FANCC: variants seen among roughly 807,000 people sequenced by gnomAD.
The protein encoded by FANCC is FA complementation group C, also known as Fanconi anemia group C protein.
FANCC carries 55 observed loss-of-function variants against 71.3 expected under a neutral mutation model. The ratio of observed to expected loss-of-function variants is 0.77; its 90% confidence interval spans 0.62 to 0.97. The LOEUF is 0.97. Ranked by LOEUF, FANCC falls within the 50% of genes least tolerant of loss-of-function variation. The pLI, the probability that FANCC is intolerant of heterozygous loss-of-function variation, is 0.00. For missense variants in FANCC, 678 were observed against 670.9 expected (o/e 1.01, Z -0.12); for synonymous variants, 275 against 244.9 (o/e 1.12, Z -1.15).
At chr9:95,172,246 C>A in intron 4 of FANCC, 99 bp from the exon 5 acceptor site, 2 of 693,796 alleles carry the variant, frequency 2.9e-6, no homozygotes, top group Non-Finnish European at 2.5e-6. Flanking sequence ...GGGGTGGTCT[C>A]TATGAAACAA....
At chr9:95,258,090 C>T (rs543034498) in intron 1 of FANCC, among the ~76,000 whole-genome samples, 13 of 152,292 alleles carry the variant, frequency 8.5e-5, no homozygotes, top group African/African-American at 3.1e-4. Context: ...GACAGATTCA[C>T]AGCCGAATTC....
At chr9:95,114,827 G>A (rs1350597705) in intron 11 of FANCC, 117 bp from the exon 12 acceptor site, 29 of 834,834 alleles carry the variant, frequency 3.5e-5, no homozygotes, top group Non-Finnish European at 5.4e-5. Context: ...TCTGGTTCAC[G>A]GAACCCAATA....
At chr9:95,180,622 A>T (rs1826289003) in intron 4 of FANCC, among the ~76,000 whole-genome samples, 1 of 151,452 alleles carries the variant, frequency 6.6e-6, no homozygotes, top group Non-Finnish European at 1.5e-5. Flanking sequence ...TATAGGCATG[A>T]GCCACCACAT....
At chr9:95,192,013 A>G (rs1339373015) in intron 4 of FANCC, among the ~76,000 whole-genome samples, 4 of 152,192 alleles carry the variant, frequency 2.6e-5, no homozygotes, top group African/African-American at 9.7e-5. Flanking sequence ...TTAAGGCCAA[A>G]ACAATTTTTA....
At chr9:95,218,854 G>C (rs532862227) in intron 4 of FANCC, among the ~76,000 whole-genome samples, 91 of 152,294 alleles carry the variant, frequency 6.0e-4, no homozygotes, top group African/African-American at 2.2e-3. Context: ...TGATTAAAAT[G>C]GTTTTGTGGA....
chr9:95,311,474 A>G (rs1331816631), intron 1 of FANCC, among the ~76,000 whole-genome samples: 3 of 152,216 alleles, frequency 2.0e-5, no homozygotes, highest in Admixed American at 6.5e-5. Flanking sequence ...TAAAAGAAGC[A>G]AAAGTGTCTG....
At chr9:95,216,558 T>C (rs895790688) in intron 4 of FANCC, among the ~76,000 whole-genome samples, 6 of 152,228 alleles carry the variant, frequency 3.9e-5, no homozygotes, top group African/African-American at 1.4e-4. Flanking sequence ...CCAACCCCTT[T>C]GGAAAAGAGA....
At chr9:95,287,602 A>C (rs1833762839) in intron 1 of FANCC, among the ~76,000 whole-genome samples, 1 of 152,244 alleles carries the variant, frequency 6.6e-6, no homozygotes, top group Non-Finnish European at 1.5e-5. Context: ...AGGGAGAAAA[A>C]TGCTTTCCAT....
intron 1 of FANCC, among the ~76,000 whole-genome samples, chr9:95,297,841 T>C (rs935564342): frequency 1.3e-5 from 2 of 152,156 alleles, no homozygotes; most frequent in Non-Finnish European, 1.5e-5. Context: ...GAAAGCATCA[T>C]GATATGTTAA....
At chr9:95,216,798 A>G (rs1828890641) in intron 4 of FANCC, among the ~76,000 whole-genome samples, 1 of 152,200 alleles carries the variant, frequency 6.6e-6, no homozygotes, top group South Asian at 2.1e-4. Context: ...AGATACAAAC[A>G]CCAAACTCTT....
At chr9:95,260,262 T>C (rs2136162777) in intron 1 of FANCC, among the ~76,000 whole-genome samples, 1 of 152,272 alleles carries the variant, frequency 6.6e-6, no homozygotes, top group Non-Finnish European at 1.5e-5. Flanking sequence ...GCAGCACTAT[T>C]CACAATAGCA....
chr9:95,254,668 C>T (rs780535353), intron 1 of FANCC, among the ~76,000 whole-genome samples: 9 of 152,186 alleles, frequency 5.9e-5, no homozygotes, highest in African/African-American at 1.4e-4. Context: ...GGGCAGACAC[C>T]GAGCTAGCTG....
At chr9:95,305,286 C>T (rs1835007914) in intron 1 of FANCC, among the ~76,000 whole-genome samples, 1 of 152,146 alleles carries the variant, frequency 6.6e-6, no homozygotes, top group Non-Finnish European at 1.5e-5. Context: ...TGGCAAACAT[C>T]ATAGAAGACT....
chr9:95,252,273 T>G (rs1341886796), intron 1 of FANCC, among the ~76,000 whole-genome samples: 1 of 17,898 alleles, frequency 5.6e-5, no homozygotes, highest in African/African-American at 2.6e-4. Flanking sequence ...TGAGACTGAT[T>G]CAAAAAAAAA....
intron 1 of FANCC, among the ~76,000 whole-genome samples, chr9:95,260,246 T>C (rs936720919): frequency 2.6e-5 from 4 of 152,198 alleles, no homozygotes; most frequent in Non-Finnish European, 5.9e-5. Context: ...CACATGTATG[T>C]TTATTGCAGC....
chr9:95,187,247 C>T (rs1030589174), intron 4 of FANCC, among the ~76,000 whole-genome samples: 19 of 152,256 alleles, frequency 1.2e-4, no homozygotes, highest in African/African-American at 3.1e-4. Flanking sequence ...TATCTGAAGT[C>T]GCAGTTCGGA....
chr9:95,214,874 A>G (rs1466349973), intron 4 of FANCC, among the ~76,000 whole-genome samples: 1 of 152,200 alleles, frequency 6.6e-6, no homozygotes. Flanking sequence ...TTGAATGGGT[A>G]CTGTTTCACA....
chr9:95,206,803 T>C (rs1828149442), intron 4 of FANCC, among the ~76,000 whole-genome samples: 2 of 152,332 alleles, frequency 1.3e-5, no homozygotes, highest in East Asian at 1.9e-4. Context: ...CAGGTCTGTT[T>C]ACCCCTAAAC....
chr9:95,102,054 C>T (rs1479121163), intron 14 of FANCC, among the ~76,000 whole-genome samples: 6 of 152,138 alleles, frequency 3.9e-5, no homozygotes, highest in East Asian at 3.9e-4. Flanking sequence ...ACACAGTGAG[C>T]GGTGCCATTT....
Sources: allele counts gnomAD v4.1 joint callset (sites outside exome capture counted in the v4.1 genomes callset), GRCh38; gene constraint gnomAD v4.1.1; transcripts MANE v1.5; gene names NCBI Gene and HGNC (gene_info 2026-07-23, HGNC 2026-07-21).